Variants in RASEF observed in about 807,000 individuals in gnomAD.
The protein encoded by RASEF is ras and EF-hand domain-containing protein.
Under a neutral mutation model 90.1 loss-of-function variants are expected in RASEF, and 68 were observed. The observed-to-expected ratio is 0.75, with a 90% CI of 0.62 to 0.92. RASEF has a LOEUF of 0.92. Among genes scored for constraint, RASEF ranks in the 40% least tolerant of loss-of-function variants. The probability of loss-of-function intolerance (pLI) is 0.00; values close to 1 mark genes in which losing one functional copy is unlikely to be tolerated. For missense variants in RASEF, 949 were observed against 937.2 expected (o/e 1.01, Z -0.16); for synonymous variants, 331 against 345.2 (o/e 0.96, Z 0.46).
the RASEF span, among the ~76,000 whole-genome samples, chr9:83,169,500 G>T: frequency 6.6e-6 from 1 of 151,850 alleles, no homozygotes; most frequent in Admixed American, 6.6e-5. Context: ...TGCCACCAAC[G>T]GTGTAGTGTA....
At chr9:83,092,303 C>T in the RASEF span, among the ~76,000 whole-genome samples, 1 of 152,022 alleles carries the variant, frequency 6.6e-6, no homozygotes, top group Non-Finnish European at 1.5e-5. Flanking sequence ...TTCTTGGTCT[C>T]ACTGACTTCA....
the RASEF span, among the ~76,000 whole-genome samples, chr9:83,092,649 C>G: frequency 1.3e-5 from 2 of 152,110 alleles, no homozygotes; most frequent in Non-Finnish European, 2.9e-5. Context: ...AGCGAAAGAA[C>G]AAAGCTTCCA....
the RASEF span, among the ~76,000 whole-genome samples, chr9:83,166,213 A>G: frequency 1.3e-5 from 2 of 152,226 alleles, no homozygotes; most frequent in African/African-American, 4.8e-5. Flanking sequence ...ACAAGAAATG[A>G]AAACTACAGA....
rs766535230 is a variant in RASEF at position 83,009,712 on chromosome 9, G to A, written c.888C>T (p.Asn296=). 22 of 1,613,560 alleles carry A rather than the reference G, an allele frequency of 1.4e-5. No individual in the cohort carries two copies. The highest frequency in any genetic ancestry group is 3.3e-5 in the South Asian group (3 of 91,076). ...CTAACTCACTCTGAAGAAAGGCTAT[G>A]TTTGTCTGTGCTTCTAAAAGGTCTT... ...VKKDLLEAQT[N]IAFLQSELDA... is the part of the protein sequence containing the mutation. The change falls in exon 6 of 17, where the codon AAC becomes AAT. Residue 296 remains asparagine (N), a synonymous_variant. Coordinates refer to ENST00000376447, the MANE Select transcript of RASEF (RefSeq NM_152573.4).
chr9:83,181,968 C>A, the RASEF span, among the ~76,000 whole-genome samples: 1 of 152,186 alleles, frequency 6.6e-6, no homozygotes, highest in African/African-American at 2.4e-5. Context: ...CAGGAAAGCA[C>A]AAGTTCCCTC....
chr9:83,057,846 C>CATAT (rs66535022), intron 1 of RASEF, among the ~76,000 whole-genome samples: 2,125 of 143,344 alleles, frequency 0.015, 20 homozygotes, highest in Non-Finnish European at 0.021. Flanking sequence ...TTCATATATA[C>CATAT]ATATATATAT....
chr9:83,098,618 G>C, the RASEF span, among the ~76,000 whole-genome samples: 1 of 152,248 alleles, frequency 6.6e-6, no homozygotes, highest in African/African-American at 2.4e-5. Context: ...ACCCAAGACT[G>C]AGTAATTTAA....
chr9:83,120,949 G>A, the RASEF span, among the ~76,000 whole-genome samples: 1 of 152,132 alleles, frequency 6.6e-6, no homozygotes, highest in Non-Finnish European at 1.5e-5. Context: ...CCAGGGCTCA[G>A]CTCTCAGGTT....
At chr9:82,982,813 G>C (rs764048900) in intron 16 of RASEF, 31 bp from the exon 17 acceptor site, 20 of 917,060 alleles carry the variant, frequency 2.2e-5, no homozygotes, top group South Asian at 3.8e-5. Context: ...GACAGAGAGA[G>C]AGAGAGAGAG....
chr9:83,186,837 T>A, the RASEF span, among the ~76,000 whole-genome samples: 1 of 152,150 alleles, frequency 6.6e-6, no homozygotes, highest in African/African-American at 2.4e-5. Context: ...CAATATATTA[T>A]GATGTTTTGA....
At chr9:83,202,093 A>G in the RASEF span, 2 of 151,924 alleles carry the variant, frequency 1.3e-5, no homozygotes, top group Non-Finnish European at 2.9e-5. Context: ...CTCCCTCCTA[A>G]TGCCCACCAA....
At chr9:83,121,483 T>C in the RASEF span, among the ~76,000 whole-genome samples, 3 of 152,234 alleles carry the variant, frequency 2.0e-5, no homozygotes, top group African/African-American at 4.8e-5. Flanking sequence ...TAGCAAACCA[T>C]GGCCCTTGAG....
In RASEF at chr9:82,998,357, G is replaced by A; in HGVS notation, c.1805+8C>T. On this transcript the variant is annotated splice_region_variant and intron_variant, in intron 13 of 16. Coordinates refer to ENST00000376447, the MANE Select transcript of RASEF (RefSeq NM_152573.4). Reference sequence around the variant, plus strand: ...AGGATATCCCATAGCGCTGCGGAATGCACTTGCCTCTCCTGACCAGCTGTA... The same window carrying A: ...AGGATATCCCATAGCGCTGCGGAATACACTTGCCTCTCCTGACCAGCTGTA... The A allele has an allele frequency of 6.3e-7, 1 of 1,592,864 alleles. No homozygotes were observed. Among genetic ancestry groups the A allele is most frequent in the Non-Finnish European group, 8.6e-7 (1 of 1,160,712 alleles).
Position 83,062,814 on chromosome 9 carries a change from G to T in RASEF, c.54C>A (p.Ala18=). The T allele has an allele frequency of 6.4e-7, 1 of 1,555,084 alleles. No individual in the cohort carries two copies. Among genetic ancestry groups the T allele is most frequent in the South Asian group, 1.2e-5 (1 of 85,038 alleles). The change falls in exon 1 of 17, where the codon GCC becomes GCA. Residue 18 remains alanine, a synonymous_variant. Transcript: ENST00000376447. ...GCCCCGAGCGGTTCGCGTCGCAGGCGGCGAAGACTGAGCGCAGCCGGGCCA... is the reference window on the plus strand; with the variant it reads ...GCCCCGAGCGGTTCGCGTCGCAGGCTGCGAAGACTGAGCGCAGCCGGGCCA... ...EELARLRSVF[A]ACDANRSGRL...
the RASEF span, among the ~76,000 whole-genome samples, chr9:83,132,079 A>C: frequency 2.0e-5 from 3 of 151,806 alleles, no homozygotes; most frequent in African/African-American, 4.9e-5. Flanking sequence ...TTCCTCAACA[A>C]GATGTAGAAT....
chr9:83,054,835 G>C (rs944666703), intron 1 of RASEF: 3 of 151,404 alleles, frequency 2.0e-5, no homozygotes, highest in African/African-American at 7.4e-5. Flanking sequence ...CTGTTGGGGG[G>C]TGCCTCCCAG....
chr9:83,023,122 C>A (rs900685977), intron 2 of RASEF, among the ~76,000 whole-genome samples: 5 of 151,798 alleles, frequency 3.3e-5, no homozygotes, highest in African/African-American at 1.2e-4. Context: ...AACTCTGTGG[C>A]AAAGTGATGG....
chr9:83,077,384 A>G, the RASEF span, among the ~76,000 whole-genome samples: 1 of 152,228 alleles, frequency 6.6e-6, no homozygotes, highest in African/African-American at 2.4e-5. Context: ...GAACAAGAGG[A>G]TGAAAAAGTT....
At chr9:83,061,878 C>G (rs1000915990) in intron 1 of RASEF, among the ~76,000 whole-genome samples, 2 of 152,182 alleles carry the variant, frequency 1.3e-5, no homozygotes, top group African/African-American at 4.8e-5. Flanking sequence ...GCTAGCCTAC[C>G]TTCTAGGGAT....
Sources: gnomAD v4.1 joint callset for allele counts (sites outside exome capture counted in the v4.1 genomes callset) on GRCh38, gnomAD v4.1.1 for gene constraint, MANE v1.5 for transcripts, NCBI Gene and HGNC (gene_info 2026-07-23, HGNC 2026-07-21) for gene names.